MME: variants seen among roughly 807,000 people sequenced by gnomAD.
MME encodes the protein membrane metalloendopeptidase.
MME carries 98 observed loss-of-function variants against 113.2 expected under a neutral mutation model. The observed-to-expected ratio is 0.87, with a 90% CI of 0.74 to 1.02. The LOEUF is 1.02. Ranked by LOEUF, MME falls within the 50% of genes least tolerant of loss-of-function variation. The pLI, the probability that MME is intolerant of heterozygous loss-of-function variation, is 0.00. For synonymous variants in MME, 292 were observed against 300.6 expected (o/e 0.97, Z 0.30); for missense variants, 836 against 896.0 (o/e 0.93, Z 0.86).
At chr3:155,083,997 T>A in intron 1 of MME, 161 bp from the exon 2 acceptor site, 1 of 644,676 alleles carries the variant, frequency 1.6e-6, no homozygotes, top group African/African-American at 1.8e-5. Context: ...TGGCTCTATA[T>A]ACTTTGCATT....
intron 7 of MME, among the ~76,000 whole-genome samples, chr3:155,117,628 A>G (rs1718738203): frequency 7.1e-6 from 1 of 140,920 alleles, no homozygotes; most frequent in African/African-American, 2.6e-5. Flanking sequence ...TTCCTGTGTA[A>G]GAAATTATAC....
rs35152996 is a variant in MME, at chr3:155,142,080, A to G, written c.1047A>G (p.Pro349=). The change falls in exon 11 of 23, where the codon CCA becomes CCG. Residue 349 remains proline, a synonymous_variant. Transcript: ENST00000360490. ...TNEEDVVVYA[P]EYLTKLKPIL... is the part of the protein sequence containing the mutation. Reference sequence around the variant, plus strand: ...AGGAAGATGTGGTTGTTTATGCTCCAGAATATTTAACCAAACTTAAGCCCA... The same window carrying G: ...AGGAAGATGTGGTTGTTTATGCTCCGGAATATTTAACCAAACTTAAGCCCA... The G allele has an allele frequency of 3.7e-4, 599 of 1,613,856 alleles. 4 individuals are homozygous for G. In the African/African-American group the frequency reaches 7.1e-3, roughly 19 times the overall value.
At chr3:155,115,559 G>A (rs1718534035) in intron 4 of MME, among the ~76,000 whole-genome samples, 2 of 152,126 alleles carry the variant, frequency 1.3e-5, no homozygotes, top group Non-Finnish European at 2.9e-5. Flanking sequence ...CTCCCAAGTA[G>A]CTGGGATTGT....
chr3:155,045,462 T>TAA (rs1469447404), intron 1 of MME, among the ~76,000 whole-genome samples: 1 of 152,084 alleles, frequency 6.6e-6, no homozygotes, highest in Non-Finnish European at 1.5e-5. Flanking sequence ...AAAATACTTT[T>TAA]AAGTATTTTT....
chr3:155,078,437 T>C (rs907690416), upstream of MME, among the ~76,000 whole-genome samples: 1 of 152,188 alleles, frequency 6.6e-6, no homozygotes, highest in African/African-American at 2.4e-5. Context: ...AAAGATTGGT[T>C]AGCTTTTTGG....
At chr3:155,066,103 C>G (rs990372331) in intron 1 of MME, among the ~76,000 whole-genome samples, 15 of 152,102 alleles carry the variant, frequency 9.9e-5, no homozygotes, top group Non-Finnish European at 1.9e-4. Flanking sequence ...AGAAATGAAG[C>G]TAAGGTTTAC....
At chr3:155,049,678 T>C (rs539622569) in intron 1 of MME, among the ~76,000 whole-genome samples, 1 of 148,346 alleles carries the variant, frequency 6.7e-6, no homozygotes, top group East Asian at 2.0e-4. Flanking sequence ...TATCTATATA[T>C]AGAGAGAGAA....
chr3:155,169,344 A>G (rs1711659680), intron 20 of MME, among the ~76,000 whole-genome samples: 1 of 152,174 alleles, frequency 6.6e-6, no homozygotes, highest in African/African-American at 2.4e-5. Flanking sequence ...ACAGAGGACT[A>G]TTAACAGTGG....
chr3:155,061,899 G>T (rs1714162742), intron 1 of MME, among the ~76,000 whole-genome samples: 1 of 152,094 alleles, frequency 6.6e-6, no homozygotes, highest in Admixed American at 6.5e-5. Context: ...GGCCTCAAGT[G>T]ATCTGTCCGC....
chr3:155,154,189 G>GT (rs1231420067), intron 16 of MME, among the ~76,000 whole-genome samples: 4 of 151,816 alleles, frequency 2.6e-5, no homozygotes, highest in African/African-American at 9.7e-5. Context: ...CAAGCATGGT[G>GT]TTTTTTTTCT....
intron 1 of MME, among the ~76,000 whole-genome samples, chr3:155,047,227 T>C (rs1436547469): frequency 6.6e-6 from 1 of 152,224 alleles, no homozygotes; most frequent in African/African-American, 2.4e-5. Flanking sequence ...TGGTTATATA[T>C]GTGTAGCTAA....
intron 16 of MME, chr3:155,158,914 C>T (rs568155923): frequency 1.3e-5 from 2 of 151,992 alleles, no homozygotes; most frequent in Non-Finnish European, 2.9e-5. Flanking sequence ...TTTAAAACAA[C>T]AGCAGTAACA....
intron 3 of MME, among the ~76,000 whole-genome samples, chr3:155,111,438 C>T (rs533271854): frequency 1.9e-4 from 29 of 152,330 alleles, no homozygotes; most frequent in African/African-American, 6.7e-4. Flanking sequence ...AAAGTTGCCT[C>T]TTCCTCTCTC....
rs149326800 is a variant in MME at position 155,180,367 on chromosome 3, G to A, written c.2161G>A (p.Gly721Arg). The change falls in exon 23 of 23, where the codon GGG becomes AGG. Residue 721 changes from glycine to arginine, a missense_variant. Coordinates refer to ENST00000360490, the MANE Select transcript of MME (RefSeq NM_007289.4). ...VHSPGNFRII[G>R]TLQNSAEFSE... is the part of the protein sequence containing the mutation. ...TTTTTGTTTGTTTCAAAGGATTATT[G>A]GGACTTTGCAGAACTCTGCAGAGTT... 24 of 1,612,634 alleles carry A rather than the reference G, an allele frequency of 1.5e-5. No individual in the cohort carries two copies. The highest frequency in any genetic ancestry group is 2.0e-5 in the Non-Finnish European group (24 of 1,178,886).
At position 155,122,221 on chromosome 3, in the gene MME, T is replaced by G. The variant is rs1390282197; in HGVS notation, c.720+3410T>G. Among the ~76,000 whole-genome samples the G allele has an allele frequency of 1.6e-4, 25 of 152,170 alleles. No individual in the cohort carries two copies. In the East Asian group the frequency reaches 4.5e-3, roughly 27 times the overall value. On this transcript the variant is annotated intron_variant, in intron 8 of 22. Transcript: ENST00000360490. ...TATTTGCGTAGAGGTGTTTATAGTA[T>G]TCTCTGATGGTAGTTTGTATTTCTG...
intron 18 of MME, among the ~76,000 whole-genome samples, chr3:155,167,256 T>G (rs1481084167): frequency 6.6e-6 from 1 of 152,124 alleles, no homozygotes. Flanking sequence ...AATATTCCCA[T>G]TGGGAAAATA....
intron 20 of MME, among the ~76,000 whole-genome samples, chr3:155,169,301 C>T (rs1321304577): frequency 1.3e-5 from 2 of 152,160 alleles, no homozygotes; most frequent in African/African-American, 2.4e-5. Flanking sequence ...ATGGTTCCAG[C>T]ACATGGCCTT....
At chr3:155,028,735 A>G (rs1314123510) in intron 1 of MME, among the ~76,000 whole-genome samples, 1 of 152,216 alleles carries the variant, frequency 6.6e-6, no homozygotes, top group African/African-American at 2.4e-5. Context: ...CTTTATTGTC[A>G]ATTGAAATGT....
At chr3:155,088,268 A>T (rs78774291) in intron 3 of MME, among the ~76,000 whole-genome samples, 1 of 152,194 alleles carries the variant, frequency 6.6e-6, no homozygotes, top group Non-Finnish European at 1.5e-5. Context: ...TCTGCCACAG[A>T]AAAATACAAC....
Sources: allele counts gnomAD v4.1 joint callset (sites outside exome capture counted in the v4.1 genomes callset), GRCh38; gene constraint gnomAD v4.1.1; transcripts MANE v1.5; gene names NCBI Gene and HGNC (gene_info 2026-07-23, HGNC 2026-07-21).